Variants in SDK1 observed in about 807,000 individuals in gnomAD.
SDK1 encodes sidekick cell adhesion molecule 1.
In SDK1, 157 loss-of-function variants were observed where a neutral mutation model predicts 245.5. The ratio of observed to expected loss-of-function variants is 0.64; its 90% CI spans 0.56 to 0.73. The LOEUF is 0.73. SDK1 is among the 30% of genes least tolerant of loss of function. The pLI is 0.00. For missense variants in SDK1, 3,583 were observed against 3,002.3 expected, an observed-to-expected ratio of 1.19 and a Z score of -4.52; for synonymous variants, 1,647 against 1,278.5, an observed-to-expected ratio of 1.29 and a Z score of -6.15.
intron 4 of SDK1, among the ~76,000 whole-genome samples, chr7:3,791,943 G>C (rs1446416226): frequency 6.6e-6 from 1 of 151,828 alleles, no homozygotes; most frequent in Non-Finnish European, 1.5e-5. Flanking sequence ...GGGCAACACA[G>C]GGAGAGTTTG....
intron 21 of SDK1, among the ~76,000 whole-genome samples, chr7:4,077,406 C>G (rs1780759872): frequency 6.6e-6 from 1 of 152,234 alleles, no homozygotes; most frequent in East Asian, 1.9e-4. Context: ...TCTGTCTTCC[C>G]CTCCTGCTTT....
At chr7:3,918,587 A>G (rs1338061040) in intron 5 of SDK1, among the ~76,000 whole-genome samples, 1 of 152,158 alleles carries the variant, frequency 6.6e-6, no homozygotes, top group Admixed American at 6.5e-5. Context: ...ATTCTGTATT[A>G]CAATGTAATA....
intron 28 of SDK1, chr7:4,132,642 C>A (rs1465751062): frequency 6.7e-6 from 3 of 446,228 alleles, no homozygotes; most frequent in African/African-American, 5.9e-5. Flanking sequence ...GTGGGAGGAT[C>A]GCTTGAGCCC....
intron 5 of SDK1, among the ~76,000 whole-genome samples, chr7:3,897,745 C>CTG (rs56863215): frequency 0.073 from 11,034 of 150,140 alleles, 1,075 homozygotes; most frequent in African/African-American, 0.22. Context: ...GTTTTTACAG[C>CTG]TGTGTGTGTG....
chr7:3,451,451 G>C (rs1042858284), intron 1 of SDK1, among the ~76,000 whole-genome samples: 1 of 152,096 alleles, frequency 6.6e-6, no homozygotes, highest in African/African-American at 2.4e-5. Flanking sequence ...GAGAGGGTCA[G>C]GGGACTTGGA....
intron 1 of SDK1, among the ~76,000 whole-genome samples, chr7:3,502,664 T>C (rs1055314536): frequency 6.6e-6 from 1 of 152,226 alleles, no homozygotes; most frequent in Non-Finnish European, 1.5e-5. Context: ...TACACTTATA[T>C]TTTTTAATTT....
intron 5 of SDK1, among the ~76,000 whole-genome samples, chr7:3,922,099 T>A (rs893447527): frequency 2.0e-5 from 3 of 152,188 alleles, no homozygotes; most frequent in Non-Finnish European, 4.4e-5. Context: ...TTTGCTTACT[T>A]CTTTTGCCAT....
At chr7:3,662,731 G>A (rs1783405219) in intron 4 of SDK1, among the ~76,000 whole-genome samples, 1 of 152,156 alleles carries the variant, frequency 6.6e-6, no homozygotes, top group African/African-American at 2.4e-5. Flanking sequence ...ATTATATACA[G>A]GTTGAGCATC....
intron 13 of SDK1, among the ~76,000 whole-genome samples, chr7:3,985,509 A>C (rs1426637969): frequency 6.6e-6 from 1 of 152,184 alleles, no homozygotes; most frequent in Non-Finnish European, 1.5e-5. Flanking sequence ...AGCTCTGCCC[A>C]GGTGCAGTGG....
intron 1 of SDK1, among the ~76,000 whole-genome samples, chr7:3,510,715 CAG>C (rs1328488822): frequency 6.6e-6 from 1 of 152,102 alleles, no homozygotes; most frequent in East Asian, 1.9e-4. Flanking sequence ...TAGCAGTTCT[CAG>C]AGAGAACAGA....
intron 5 of SDK1, among the ~76,000 whole-genome samples, chr7:3,926,530 G>A (rs909167075): frequency 2.7e-5 from 4 of 150,682 alleles, no homozygotes; most frequent in East Asian, 3.9e-4. Context: ...GTGTGATCTC[G>A]GCCCACTGCA....
chr7:4,107,500 T>A (rs1783016375), intron 22 of SDK1, among the ~76,000 whole-genome samples: 2 of 151,338 alleles, frequency 1.3e-5, no homozygotes, highest in South Asian at 4.2e-4. Context: ...CTTTTTTTTT[T>A]AAACAAACAA....
At chr7:4,133,035 G>A (rs1156706568) in intron 28 of SDK1, among the ~76,000 whole-genome samples, 1 of 152,188 alleles carries the variant, frequency 6.6e-6, no homozygotes, top group African/African-American at 2.4e-5. Context: ...CTATGTTGAT[G>A]TGTGTTTGAG....
At chr7:4,053,076 G>C (rs1455960457) in intron 19 of SDK1, among the ~76,000 whole-genome samples, 3 of 134,906 alleles carry the variant, frequency 2.2e-5, no homozygotes, top group African/African-American at 8.7e-5. Context: ...GACATAGTGA[G>C]ACTCTGTCTC....
intron 5 of SDK1, among the ~76,000 whole-genome samples, chr7:3,847,236 T>C (rs1780303650): frequency 6.6e-6 from 1 of 152,124 alleles, no homozygotes; most frequent in Admixed American, 6.5e-5. Context: ...CATGGACTCC[T>C]CGATGTACCA....
At chr7:3,584,476 G>A (rs1780616736) in intron 1 of SDK1, among the ~76,000 whole-genome samples, 1 of 152,140 alleles carries the variant, frequency 6.6e-6, no homozygotes, top group African/African-American at 2.4e-5. Flanking sequence ...CGGCCACCAA[G>A]GGCTGCCTGG....
At chr7:3,364,571 T>C (rs1327479938) in intron 1 of SDK1, among the ~76,000 whole-genome samples, 5 of 152,196 alleles carry the variant, frequency 3.3e-5, no homozygotes, top group Non-Finnish European at 5.9e-5. Flanking sequence ...TGCACCTCTC[T>C]CAAAAATCAC....
intron 35 of SDK1, among the ~76,000 whole-genome samples, chr7:4,205,429 C>A (rs920428557): frequency 1.3e-5 from 2 of 152,138 alleles, no homozygotes; most frequent in African/African-American, 4.8e-5. Flanking sequence ...ATTGCTGGGA[C>A]CTCAAGTTAA....
In SDK1 at chr7:4,210,129, C is replaced by A; in HGVS notation, c.5506C>A (p.Arg1836=). ...AAANGILQGY[R]VVYEPLAPVQ... is the part of the protein sequence containing the mutation. The stretch of plus-strand genomic sequence containing the variant: ...GGCCAACGGCATCCTGCAGGGCTAT[C>A]GGGTGGTGTACGAGCCCTTGGCCCC... Residue 1836 remains arginine (R), a synonymous_variant, in exon 38 of 45, where the codon CGG becomes AGG. Coordinates refer to ENST00000404826, the MANE Select transcript of SDK1 (RefSeq NM_152744.4). 1.2e-6 allele frequency: 2 copies of A among 1,604,584 alleles called. No individual in the cohort carries two copies. Among genetic ancestry groups the A allele is most frequent in the Non-Finnish European group, 1.7e-6 (2 of 1,176,298 alleles).
Sources: allele counts gnomAD v4.1 joint callset (sites outside exome capture counted in the v4.1 genomes callset), GRCh38; gene constraint gnomAD v4.1.1; transcripts MANE v1.5; gene names NCBI Gene and HGNC (gene_info 2026-07-23, HGNC 2026-07-21).